The following FGF14 variants were observed in gnomAD, a reference collection of about 807,000 sequenced individuals.
FGF14 encodes the protein fibroblast growth factor 14.
A neutral mutation model predicts 25.5 loss-of-function variants in FGF14; 5 were observed. The observed-to-expected ratio is 0.20, with a 90% CI of 0.10 to 0.41. The LOEUF (loss-of-function observed/expected upper bound fraction) is 0.41. Among genes scored for constraint, FGF14 ranks in the 10% least tolerant of loss-of-function variants. The pLI is 1.00. For missense variants in FGF14, 222 were observed against 320.1 expected, an observed-to-expected ratio of 0.69 and a Z score of 2.34; for synonymous variants, 138 against 118.3, an observed-to-expected ratio of 1.17 and a Z score of -1.08.
At chr13:102,229,572 C>G (rs9557841) in intron 1 of FGF14, among the ~76,000 whole-genome samples, 21,705 of 152,150 alleles carry the variant, frequency 0.14, 1,953 homozygotes, top group East Asian at 0.38. Context: ...GCCTCTACCT[C>G]AACATGGGCT....
intron 3 of FGF14, among the ~76,000 whole-genome samples, chr13:101,744,559 C>T (rs770048071): frequency 1.3e-5 from 2 of 151,946 alleles, no homozygotes; most frequent in African/African-American, 4.8e-5. Context: ...TTAATAAACA[C>T]GTATTAAATG....
intron 1 of FGF14, among the ~76,000 whole-genome samples, chr13:102,072,878 G>A (rs189474529): frequency 9.2e-5 from 14 of 152,292 alleles, no homozygotes; most frequent in African/African-American, 2.6e-4. Context: ...TAAATTGGGC[G>A]AAGAATGGCA....
intron 3 of FGF14, among the ~76,000 whole-genome samples, chr13:101,775,460 C>T (rs2039048612): frequency 6.6e-6 from 1 of 152,100 alleles, no homozygotes; most frequent in Non-Finnish European, 1.5e-5. Context: ...ATAAATGGAA[C>T]CACATCAACT....
At chr13:102,379,100 G>A (rs542520613) in intron 1 of FGF14, among the ~76,000 whole-genome samples, 17 of 152,154 alleles carry the variant, frequency 1.1e-4, no homozygotes, top group East Asian at 7.7e-4. Flanking sequence ...CAGGCAAATC[G>A]AAATTCCAAT....
chr13:101,732,516 C>T (rs1235617086), intron 3 of FGF14, among the ~76,000 whole-genome samples: 2 of 152,180 alleles, frequency 1.3e-5, no homozygotes, highest in East Asian at 3.9e-4. Flanking sequence ...CTCCCAGTAA[C>T]AGCTCAATAA....
chr13:102,219,424 A>G lies in FGF14; in HGVS notation c.208+182047T>C, dbSNP rs2050514609. Among the ~76,000 whole-genome samples, 2 of 152,102 alleles carry G rather than the reference A, an allele frequency of 1.3e-5. 1 individual carries two copies. Among genetic ancestry groups the G allele is most frequent in the South Asian group, 4.1e-4 (2 of 4,822 alleles). On this transcript the variant is annotated intron_variant, in intron 1 of 4. Transcript: ENST00000376131. ...CTTGACATCAACCCCTGCTCCCTAG[A>G]TTTCTACTGCTGAGTGAAATTCTTC... is the stretch of plus-strand genomic sequence containing the variant.
At chr13:101,892,139 CA>C (rs1167526956) in intron 1 of FGF14, among the ~76,000 whole-genome samples, 1 of 152,076 alleles carries the variant, frequency 6.6e-6, no homozygotes, top group Non-Finnish European at 1.5e-5. Context: ...GGGAATTGAA[CA>C]CAACACAATC....
At chr13:102,122,392 T>G (rs555566857) in intron 1 of FGF14, among the ~76,000 whole-genome samples, 1 of 152,316 alleles carries the variant, frequency 6.6e-6, no homozygotes, top group South Asian at 2.1e-4. Flanking sequence ...TATCTTGACC[T>G]TTCATCTCAC....
At chr13:102,243,155 G>T (rs2051686779) in intron 1 of FGF14, among the ~76,000 whole-genome samples, 1 of 151,998 alleles carries the variant, frequency 6.6e-6, no homozygotes, top group Admixed American at 6.6e-5. Flanking sequence ...AAATATGCTG[G>T]GTCTCTGAAT....
At chr13:101,952,793 G>A (rs2036254699) in intron 1 of FGF14, among the ~76,000 whole-genome samples, 1 of 152,184 alleles carries the variant, frequency 6.6e-6, no homozygotes, top group Non-Finnish European at 1.5e-5. Flanking sequence ...CACTTTAGGA[G>A]GCCAAGGCAG....
At chr13:101,818,715 T>C (rs2041964157) in intron 3 of FGF14, among the ~76,000 whole-genome samples, 4 of 152,258 alleles carry the variant, frequency 2.6e-5, no homozygotes, top group South Asian at 4.1e-4. Flanking sequence ...ACCAAAATGG[T>C]TTATAAGCTT....
intron 1 of FGF14, among the ~76,000 whole-genome samples, chr13:102,036,399 T>C (rs1477310003): frequency 6.6e-6 from 1 of 152,008 alleles, no homozygotes; most frequent in African/African-American, 2.4e-5. Flanking sequence ...TATTAATCTG[T>C]CCCATGACTG....
intron 1 of FGF14, among the ~76,000 whole-genome samples, chr13:102,038,217 C>T (rs902530250): frequency 1.3e-5 from 2 of 152,096 alleles, no homozygotes; most frequent in Non-Finnish European, 2.9e-5. Flanking sequence ...GGATCAACCA[C>T]CATTAAAAGT....
chr13:101,816,269 C>CAAAAAAAAAAAAAA lies in FGF14; in HGVS notation c.408+52442_408+52455dup, dbSNP rs58615099. Reference sequence around the variant, plus strand: ...TGGGGAACAGAGAGAGACTCCGTCTCAAAAAAAAAAAAAAAATTTGGCTTA... The same window carrying CAAAAAAAAAAAAAA: ...TGGGGAACAGAGAGAGACTCCGTCTCAAAAAAAAAAAAAAAAAAAAAAAAAAAAAATTTGGCTTA... On this transcript the variant is annotated intron_variant, in intron 3 of 4. Coordinates refer to ENST00000376143, the MANE Select transcript of FGF14 (RefSeq NM_004115.4). Among the ~76,000 whole-genome samples, 66 of 88,988 alleles carry CAAAAAAAAAAAAAA rather than the reference C, an allele frequency of 7.4e-4. 2 individuals carry two copies. The highest frequency in any genetic ancestry group is 3.0e-3 in the African/African-American group (60 of 20,086). The allele number at this position is 88,988 out of a possible 152,430, so 58.4% of individuals were successfully genotyped here.
intron 1 of FGF14, among the ~76,000 whole-genome samples, chr13:102,268,140 CA>C (rs1361805137): frequency 6.6e-6 from 1 of 151,994 alleles, no homozygotes; most frequent in Non-Finnish European, 1.5e-5. Flanking sequence ...CTTAAGGACA[CA>C]AAAATGTGAG....
chr13:101,801,369 A>G (rs757681837), intron 3 of FGF14, among the ~76,000 whole-genome samples: 1 of 151,768 alleles, frequency 6.6e-6, no homozygotes, highest in African/African-American at 2.4e-5. Context: ...TTTTTTTTCT[A>G]AAGAGACAGT....
At chr13:101,781,577 AT>A (rs1218511091) in intron 3 of FGF14, among the ~76,000 whole-genome samples, 1 of 152,232 alleles carries the variant, frequency 6.6e-6, no homozygotes, top group East Asian at 1.9e-4. Flanking sequence ...TTATTAAAAA[AT>A]ATGGAGTATC....
chr13:101,823,262 A>C (rs944109441), intron 3 of FGF14, among the ~76,000 whole-genome samples: 39 of 92,668 alleles, frequency 4.2e-4, no homozygotes, highest in African/African-American at 1.1e-3. Flanking sequence ...TCTATGTTTA[A>C]TTGAGGAATT....
At chr13:101,746,433 T>C (rs939862137) in intron 3 of FGF14, among the ~76,000 whole-genome samples, 1 of 152,006 alleles carries the variant, frequency 6.6e-6, no homozygotes, top group Non-Finnish European at 1.5e-5. Flanking sequence ...TATTTATTAT[T>C]AGAAAATACT....
Sources: gnomAD v4.1 joint callset for allele counts (sites outside exome capture counted in the v4.1 genomes callset) on GRCh38, gnomAD v4.1.1 for gene constraint, MANE v1.5 for transcripts, NCBI Gene and HGNC (gene_info 2026-07-23, HGNC 2026-07-21) for gene names.